Variants in SYTL3 observed in about 807,000 individuals in gnomAD.
SYTL3 encodes the protein synaptotagmin like 3, also known as synaptotagmin-like protein 3.
Under a neutral mutation model 82.1 loss-of-function variants are expected in SYTL3, and 88 were observed. That is an observed-to-expected ratio of 1.07 (90% confidence interval 0.90 to 1.28). The LOEUF is 1.28. Among genes scored for constraint, SYTL3 ranks in the 50% most tolerant of loss-of-function variants. The pLI, the probability that SYTL3 is intolerant of heterozygous loss-of-function variation, is 0.00. For missense variants in SYTL3, 831 were observed against 757.6 expected, an observed-to-expected ratio of 1.10 and a Z score of -1.14; for synonymous variants, 311 against 289.4, an observed-to-expected ratio of 1.07 and a Z score of -0.76.
chr6:158,696,691 T>C (rs1780594793), intron 6 of SYTL3, among the ~76,000 whole-genome samples: 1 of 150,906 alleles, frequency 6.6e-6, no homozygotes, highest in Non-Finnish European at 1.5e-5. Flanking sequence ...GTTCTTTGCC[T>C]TTTTTTTTAA....
chr6:158,685,740 G>A (rs1009105666), intron 6 of SYTL3, among the ~76,000 whole-genome samples: 12 of 152,236 alleles, frequency 7.9e-5, no homozygotes, highest in African/African-American at 2.9e-4. Context: ...ATTGCTTAAA[G>A]CTGGGAGGCG....
intron 11 of SYTL3, 194 bp downstream of exon 11, chr6:158,725,831 G>A: frequency 1.2e-6 from 1 of 806,506 alleles, no homozygotes; most frequent in Non-Finnish European, 2.1e-6. Context: ...TTATCCTCAG[G>A]CCTGTGTCTT....
intron 11 of SYTL3, among the ~76,000 whole-genome samples, chr6:158,732,663 C>G (rs931607087): frequency 6.6e-6 from 1 of 152,204 alleles, no homozygotes; most frequent in African/African-American, 2.4e-5. Context: ...CCTCGTGTCT[C>G]CAATGACGAA....
At chr6:158,748,931 T>C (rs1788002841) in intron 12 of SYTL3, among the ~76,000 whole-genome samples, 1 of 151,062 alleles carries the variant, frequency 6.6e-6, no homozygotes, top group African/African-American at 2.4e-5. Flanking sequence ...CATTCAAGTA[T>C]AATAAGGGGG....
rs1306550302 is a variant in SYTL3 at position 158,743,917 on chromosome 6, A to ATTGT, written c.856-1548_856-1545dup. On this transcript the variant is annotated intron_variant, in intron 11 of 17. Transcript: ENST00000611299. Reference sequence around the variant, plus strand: ...GTCTGATGACTTGTTGGTATTGTTTATTGTTTGTTTGTTTGTTTTGAGATG... The same window carrying ATTGT: ...GTCTGATGACTTGTTGGTATTGTTTATTGTTTGTTTGTTTGTTTGTTTTGAGATG... 6.5e-4 allele frequency among the ~76,000 whole-genome samples: 98 copies of ATTGT among 151,398 alleles called. 1 individual carries two copies. The highest frequency in any genetic ancestry group is 2.3e-3 in the African/African-American group (95 of 41,206).
At chr6:158,693,575 G>C (rs1280304235) in intron 6 of SYTL3, among the ~76,000 whole-genome samples, 1 of 152,094 alleles carries the variant, frequency 6.6e-6, no homozygotes, top group Non-Finnish European at 1.5e-5. Context: ...AGTAGAGATG[G>C]GGTTTCACCA....
intron 5 of SYTL3, among the ~76,000 whole-genome samples, chr6:158,680,594 A>C (rs903521590): frequency 2.0e-5 from 3 of 150,070 alleles, no homozygotes; most frequent in Non-Finnish European, 3.0e-5. Context: ...AAAAAAAAAA[A>C]CACAAAAATC....
intron 7 of SYTL3, 113 bp downstream of exon 7, chr6:158,707,394 G>T: frequency 9.1e-6 from 7 of 765,048 alleles, no homozygotes; most frequent in South Asian, 4.2e-5. Context: ...TTTGGAATGT[G>T]ACTCTTTTTT....
chr6:158,669,217 A>T (rs995836460), intron 5 of SYTL3, among the ~76,000 whole-genome samples: 19 of 152,162 alleles, frequency 1.2e-4, no homozygotes, highest in Non-Finnish European at 4.4e-5. Flanking sequence ...GTTTGCATTA[A>T]TTTTTTCTAT....
intron 11 of SYTL3, among the ~76,000 whole-genome samples, chr6:158,729,259 A>G (rs1785105291): frequency 6.6e-6 from 1 of 152,140 alleles, no homozygotes. Context: ...AGACACTGGG[A>G]AGTTCAGGAT....
At chr6:158,675,433 G>A (rs571725407) in intron 5 of SYTL3, among the ~76,000 whole-genome samples, 1 of 151,962 alleles carries the variant, frequency 6.6e-6, no homozygotes, top group Non-Finnish European at 1.5e-5. Context: ...TTTTTTTCCT[G>A]TAAGGATGTG....
At chr6:158,684,906 AG>A (rs1205563543) in intron 6 of SYTL3, among the ~76,000 whole-genome samples, 3 of 151,782 alleles carry the variant, frequency 2.0e-5, no homozygotes, top group Non-Finnish European at 4.4e-5. Context: ...GGAATGAAGC[AG>A]GGTTGCTGTT....
At chr6:158,720,454 C>T (rs7759006) in intron 10 of SYTL3, among the ~76,000 whole-genome samples, 43,786 of 146,886 alleles carry the variant, frequency 0.3, 7,666 homozygotes, top group African/African-American at 0.48. Context: ...GGTTGACCAA[C>T]GTGCCTAATG....
chr6:158,703,017 G>T (rs989999996), intron 6 of SYTL3, among the ~76,000 whole-genome samples: 1 of 151,864 alleles, frequency 6.6e-6, no homozygotes, highest in African/African-American at 2.4e-5. Flanking sequence ...AGCCAGGTGT[G>T]GTGGCGGGCG....
chr6:158,714,025 G>C, intron 9 of SYTL3, 147 bp downstream of exon 9: 1 of 654,518 alleles, frequency 1.5e-6, no homozygotes, highest in Non-Finnish European at 2.7e-6. Flanking sequence ...ACAGCACCTG[G>C]CCCTTCATCT....
intron 10 of SYTL3, among the ~76,000 whole-genome samples, chr6:158,720,907 C>T (rs1784032116): frequency 6.6e-6 from 1 of 152,148 alleles, no homozygotes; most frequent in Non-Finnish European, 1.5e-5. Flanking sequence ...GTGGCTCATC[C>T]CACGCACCAC....
At chr6:158,712,137 C>T (rs1782827500) in intron 8 of SYTL3, among the ~76,000 whole-genome samples, 1 of 152,172 alleles carries the variant, frequency 6.6e-6, no homozygotes, top group Admixed American at 6.5e-5. Flanking sequence ...TGGTCTAAGT[C>T]CTGGAGTCCA....
At chr6:158,698,587 CCTTT>C (rs1313376402) in intron 6 of SYTL3, among the ~76,000 whole-genome samples, 3 of 152,160 alleles carry the variant, frequency 2.0e-5, no homozygotes, top group Non-Finnish European at 4.4e-5. Context: ...GTTTTGCTCA[CCTTT>C]CTTTAGCATT....
At chr6:158,670,637 G>T (rs1394944895) in intron 5 of SYTL3, among the ~76,000 whole-genome samples, 3 of 151,936 alleles carry the variant, frequency 2.0e-5, no homozygotes, top group Non-Finnish European at 4.4e-5. Context: ...CAAAAATTAG[G>T]CCGGGCACAG....
Sources: allele counts gnomAD v4.1 joint callset (sites outside exome capture counted in the v4.1 genomes callset), GRCh38; gene constraint gnomAD v4.1.1; transcripts MANE v1.5; gene names NCBI Gene and HGNC (gene_info 2026-07-23, HGNC 2026-07-21).